Variants in FAAH2 observed in about 807,000 individuals in gnomAD.
The protein encoded by FAAH2 is fatty acid amide hydrolase 2.
A neutral mutation model predicts 36.9 loss-of-function variants in FAAH2; 60 were observed. That is an observed-to-expected ratio of 1.63 (90% CI 1.32 to 2.02). FAAH2 has a LOEUF of 2.02. Ranked by LOEUF, FAAH2 falls within the 30% of genes most tolerant of loss-of-function variation. The pLI, the probability that FAAH2 is intolerant of heterozygous loss-of-function variation, is 0.00. For synonymous variants in FAAH2, 214 were observed against 143.8 expected, an observed-to-expected ratio of 1.49 and a Z score of -3.49; for missense variants, 689 against 397.5, an observed-to-expected ratio of 1.73 and a Z score of -6.23.
At chrX:57,168,926 T>G in the FAAH2 span, among the ~76,000 whole-genome samples, 2 of 112,278 alleles carry the variant, frequency 1.8e-5, no homozygotes, top group Admixed American at 1.9e-4. Context: ...TGATCTGCCA[T>G]AACAAAATAC....
intron 6 of FAAH2, among the ~76,000 whole-genome samples, chrX:57,379,309 C>T (rs889095772): frequency 1.8e-5 from 2 of 111,405 alleles, no homozygotes; most frequent in African/African-American, 6.5e-5. Flanking sequence ...AAAATGCAAT[C>T]TATATGTAAC....
rs977186193 is a variant in FAAH2, at chrX:57,369,281, A to G, written c.743-9370A>G. Among the ~76,000 whole-genome samples the G allele has an allele frequency of 2.7e-5, 3 of 111,383 alleles. No homozygotes were observed. The East Asian group carries it at 8.4e-4, about 31-fold the overall frequency. ...TTCTGCATTCTAGAGATTTCAGTAG[A>G]AGAGATGGAGAAAAGCACAGGAAGC... On this transcript the variant is annotated intron_variant, in intron 5 of 10. Transcript: ENST00000374900.
chrX:57,406,120 G>A (rs778753974), intron 7 of FAAH2, among the ~76,000 whole-genome samples: 62 of 111,430 alleles, frequency 5.6e-4, no homozygotes, highest in African/African-American at 1.9e-3. Flanking sequence ...AAATTCCTCA[G>A]TGGTTTGACT....
At chrX:57,165,215 A>G in the FAAH2 span, among the ~76,000 whole-genome samples, 1 of 112,135 alleles carries the variant, frequency 8.9e-6, no homozygotes, top group African/African-American at 3.2e-5. Context: ...ACTATAAATC[A>G]TGCTGCTATA....
At chrX:57,364,790 T>A (rs747285071) in intron 5 of FAAH2, among the ~76,000 whole-genome samples, 44 of 111,557 alleles carry the variant, frequency 3.9e-4, no homozygotes, top group Admixed American at 4.8e-4. Flanking sequence ...TTTTGGTTAC[T>A]GCTTTACTTT....
At chrX:57,283,994 G>A (rs2051777330), upstream of FAAH2, among the ~76,000 whole-genome samples, 1 of 111,849 alleles carries the variant, frequency 8.9e-6, no homozygotes, top group Admixed American at 9.5e-5. Flanking sequence ...CCTTTAAGGT[G>A]ACTGCGCTGT....
At chrX:57,278,586 T>G in the FAAH2 span, among the ~76,000 whole-genome samples, 1 of 110,639 alleles carries the variant, frequency 9.0e-6, no homozygotes, top group African/African-American at 3.3e-5. Context: ...AAATTGCATC[T>G]AATAAAACTA....
chrX:57,283,766 C>T (rs780082438), upstream of FAAH2, among the ~76,000 whole-genome samples: 7 of 111,514 alleles, frequency 6.3e-5, no homozygotes, highest in African/African-American at 2.3e-4. Context: ...TTGTTTTATT[C>T]CCTGGCCTGA....
At chrX:57,415,349 C>T (rs370884850) in intron 7 of FAAH2, among the ~76,000 whole-genome samples, 1 of 111,700 alleles carries the variant, frequency 9.0e-6, no homozygotes, top group East Asian at 2.8e-4. Flanking sequence ...CCTGCTTTCT[C>T]CTTTGGGCAT....
chrX:57,422,528 C>T (rs2056062733), intron 7 of FAAH2, among the ~76,000 whole-genome samples: 1 of 111,884 alleles, frequency 8.9e-6, no homozygotes, highest in African/African-American at 3.2e-5. Context: ...AGGAAATAAT[C>T]GCAAGATGGT....
chrX:57,381,530 CAATGTAATAAT>C, intron 7 of FAAH2: 2 of 682,301 alleles, frequency 2.9e-6, no homozygotes, highest in Non-Finnish European at 3.5e-6. Flanking sequence ...AACTACTATT[CAATGTAATAAT>C]AATACAGCTT....
intron 5 of FAAH2, among the ~76,000 whole-genome samples, chrX:57,364,803 A>G (rs1005364418): frequency 3.6e-5 from 4 of 111,074 alleles, no homozygotes; most frequent in African/African-American, 1.3e-4. Flanking sequence ...TTTACTTTCA[A>G]TCTTAACCAA....
intron 7 of FAAH2, chrX:57,393,749 G>A (rs2055223698): frequency 1.0e-6 from 1 of 1,004,312 alleles, no homozygotes; most frequent in Non-Finnish European, 1.4e-6. Flanking sequence ...AATTTCACTG[G>A]CCACAGAGAT....
chrX:57,219,535 G>A, the FAAH2 span, among the ~76,000 whole-genome samples: 1 of 112,129 alleles, frequency 8.9e-6, no homozygotes, highest in Non-Finnish European at 1.9e-5. Flanking sequence ...AGCCTCTCTT[G>A]GTTTCTCCAG....
chrX:57,308,723 T>C (rs1361570974), intron 2 of FAAH2, among the ~76,000 whole-genome samples: 1 of 111,683 alleles, frequency 9.0e-6, no homozygotes, highest in Non-Finnish European at 1.9e-5. Context: ...TCTCCTCCAT[T>C]TCTAGCATAT....
chrX:57,230,728 A>G, the FAAH2 span, among the ~76,000 whole-genome samples: 1 of 111,306 alleles, frequency 9.0e-6, no homozygotes, highest in East Asian at 2.8e-4. Context: ...CTTTTTCCCA[A>G]TTGTTAGATC....
chrX:57,436,706 T>C (rs758872278), intron 8 of FAAH2, among the ~76,000 whole-genome samples: 3 of 111,343 alleles, frequency 2.7e-5, no homozygotes, highest in Admixed American at 9.6e-5. Flanking sequence ...CAGGAGGTAA[T>C]AGAGAACTTG....
At chrX:57,292,075 G>A (rs1432387439) in intron 1 of FAAH2, among the ~76,000 whole-genome samples, 1 of 110,648 alleles carries the variant, frequency 9.0e-6, no homozygotes, top group Non-Finnish European at 1.9e-5. Context: ...GCCCTTTTAT[G>A]TCTCCACTCT....
the FAAH2 span, among the ~76,000 whole-genome samples, chrX:57,251,450 G>T: frequency 1.8e-5 from 2 of 111,447 alleles, no homozygotes; most frequent in African/African-American, 6.5e-5. Flanking sequence ...ACAAGACAAG[G>T]ATTCTCACTG....
Sources: allele counts gnomAD v4.1 joint callset (sites outside exome capture counted in the v4.1 genomes callset), GRCh38; gene constraint gnomAD v4.1.1; transcripts MANE v1.5; gene names NCBI Gene and HGNC (gene_info 2026-07-23, HGNC 2026-07-21).